Variants in SGPP2 observed in about 807,000 individuals in gnomAD.
SGPP2 encodes the protein sphingosine-1-phosphate phosphatase 2.
A neutral mutation model predicts 33.9 loss-of-function variants in SGPP2; 30 were observed. The ratio of observed to expected loss-of-function variants is 0.89; its 90% CI spans 0.66 to 1.20. SGPP2 has a LOEUF of 1.20. SGPP2 is among the 50% of genes most tolerant of loss of function. SGPP2 has a pLI of 0.00. For missense variants in SGPP2, 458 were observed against 532.1 expected (o/e 0.86, Z 1.37); for synonymous variants, 233 against 225.0 (o/e 1.04, Z -0.32).
At chr2:222,488,569 T>C (rs1698147343) in intron 2 of SGPP2, among the ~76,000 whole-genome samples, 1 of 152,198 alleles carries the variant, frequency 6.6e-6, no homozygotes, top group Admixed American at 6.5e-5. Context: ...GGCTGGGAAC[T>C]GCTGCTTGAG....
intron 1 of SGPP2, among the ~76,000 whole-genome samples, chr2:222,466,376 A>C (rs1697746145): frequency 6.7e-6 from 1 of 148,896 alleles, no homozygotes; most frequent in Admixed American, 6.8e-5. Flanking sequence ...CTCTTGCCTC[A>C]GCCTCCCAAG....
At position 222,561,226 on chromosome 2, in the gene SGPP2, T is replaced by C. The variant is rs567106299; in HGVS notation, c.*2328T>C. Among the ~76,000 whole-genome samples the C allele has an allele frequency of 6.6e-6, 1 of 152,288 alleles. No individual in the cohort carries two copies. Among genetic ancestry groups the C allele is most frequent in the African/African-American group, 2.4e-5 (1 of 41,566 alleles). The stretch of plus-strand genomic sequence containing the variant: ...CCGTTTGACTGCTTTTACATCAAAC[T>C]CTGCCCAGTATTTGCAGCACAACTC... On this transcript the variant is annotated 3_prime_UTR_variant, in exon 5 of 5. Coordinates refer to ENST00000321276, the MANE Select transcript of SGPP2 (RefSeq NM_152386.4).
intron 2 of SGPP2, among the ~76,000 whole-genome samples, chr2:222,480,429 A>G (rs1698012052): frequency 6.6e-6 from 1 of 152,242 alleles, no homozygotes; most frequent in Non-Finnish European, 1.5e-5. Context: ...AGATAAACAG[A>G]TACAAAGTGA....
At chr2:222,488,962 G>A (rs980752289) in intron 2 of SGPP2, among the ~76,000 whole-genome samples, 3 of 152,158 alleles carry the variant, frequency 2.0e-5, no homozygotes, top group Non-Finnish European at 4.4e-5. Context: ...GATTCTGGGG[G>A]TTGGGGAATG....
At chr2:222,427,315 C>T (rs1372159276) in intron 1 of SGPP2, among the ~76,000 whole-genome samples, 1 of 152,088 alleles carries the variant, frequency 6.6e-6, no homozygotes, top group African/African-American at 2.4e-5. Flanking sequence ...GGGTGGAGTG[C>T]AGTGGCACAA....
At chr2:222,469,610 T>C (rs145723450) in intron 1 of SGPP2, among the ~76,000 whole-genome samples, 389 of 152,306 alleles carry the variant, frequency 2.6e-3, no homozygotes, top group Non-Finnish European at 4.3e-3. Flanking sequence ...TGGCCTCAGC[T>C]TTTGCTCCTC....
At position 222,428,785 on chromosome 2, in the gene SGPP2, C is replaced by CTT. The variant is rs58239129; in HGVS notation, c.219+3987_219+3988dup. ...AGTGGGGGAAAAAAAACATGGTTTT[C>CTT]TTTTTTTTTTTTTTTTTTTTTTTTG... On this transcript the variant is annotated intron_variant, in intron 1 of 4. Coordinates refer to ENST00000321276, the MANE Select transcript of SGPP2 (RefSeq NM_152386.4). Among the ~76,000 whole-genome samples the CTT allele has an allele frequency of 3.7e-3, 278 of 75,328 alleles. 2 individuals carry two copies. Among genetic ancestry groups the CTT allele is most frequent in the Middle Eastern group, 0.029 (3 of 102 alleles). 49.4% of individuals were successfully genotyped at this position (75,328 alleles called of 152,430 possible).
chr2:222,484,044 GT>G (rs1487121521), intron 2 of SGPP2, among the ~76,000 whole-genome samples: 3 of 152,102 alleles, frequency 2.0e-5, no homozygotes, highest in African/African-American at 7.2e-5. Flanking sequence ...TCTCTAGGGG[GT>G]TTATTATAAA....
chr2:222,483,307 AT>A (rs202239975), intron 2 of SGPP2, among the ~76,000 whole-genome samples: 11,384 of 146,318 alleles, frequency 0.078, 504 homozygotes, highest in East Asian at 0.15. Context: ...TATAAATTTC[AT>A]TTTTTTTTTT....
At chr2:222,497,252 T>TC (rs1434068857) in intron 2 of SGPP2, among the ~76,000 whole-genome samples, 7 of 143,154 alleles carry the variant, frequency 4.9e-5, no homozygotes, top group South Asian at 4.5e-4. Flanking sequence ...TCTTTCTTCT[T>TC]TTTTTTTTTT....
chr2:222,492,712 A>G (rs1387013336), intron 2 of SGPP2, among the ~76,000 whole-genome samples: 2 of 152,200 alleles, frequency 1.3e-5, no homozygotes, highest in Non-Finnish European at 2.9e-5. Flanking sequence ...TCCCCAGAAA[A>G]TGGGTTTTCC....
intron 1 of SGPP2, among the ~76,000 whole-genome samples, chr2:222,433,127 A>G (rs1697183337): frequency 6.6e-6 from 1 of 152,118 alleles, no homozygotes; most frequent in Non-Finnish European, 1.5e-5. Context: ...AGGCAAAGCC[A>G]AACAAAGCAG....
chr2:222,453,916 TA>T (rs1697531864), intron 1 of SGPP2, among the ~76,000 whole-genome samples: 1 of 152,192 alleles, frequency 6.6e-6, no homozygotes, highest in Non-Finnish European at 1.5e-5. Context: ...ACAGTGAGAT[TA>T]ACTCACTTGT....
rs762362556 is a variant in SGPP2, at chr2:222,560,966, G to T, written c.*2068G>T. 6.6e-6 allele frequency: 1 copy of T among 152,138 alleles called. No individual in the cohort carries two copies. Among genetic ancestry groups the T allele is most frequent in the Admixed American group, 6.6e-5 (1 of 15,262 alleles). The allele number at this position is 152,138 out of a possible 1,614,324, so 9.4% of individuals were successfully genotyped here. ...GAAAATACAAAAAAATTAGCCGGACGTGGTGGAGGGCGCCTGTAGTCCCAG... is the reference window on the plus strand; with the variant it reads ...GAAAATACAAAAAAATTAGCCGGACTTGGTGGAGGGCGCCTGTAGTCCCAG... On this transcript the variant is annotated 3_prime_UTR_variant, in exon 5 of 5. Coordinates refer to ENST00000321276, the MANE Select transcript of SGPP2 (RefSeq NM_152386.4).
intron 1 of SGPP2, among the ~76,000 whole-genome samples, chr2:222,448,048 C>T (rs1293534018): frequency 6.6e-6 from 1 of 152,148 alleles, no homozygotes; most frequent in Admixed American, 6.5e-5. Context: ...TCCCAAGTGA[C>T]CAGGTAGTAT....
chr2:222,543,223 C>G (rs1036646120), intron 4 of SGPP2, among the ~76,000 whole-genome samples: 2 of 152,142 alleles, frequency 1.3e-5, no homozygotes, highest in Non-Finnish European at 2.9e-5. Context: ...GATCTATAAT[C>G]TACATTGAAT....
intron 1 of SGPP2, among the ~76,000 whole-genome samples, chr2:222,426,896 G>A (rs2106052297): frequency 6.6e-6 from 1 of 152,248 alleles, no homozygotes; most frequent in Non-Finnish European, 1.5e-5. Flanking sequence ...CTCTCTGCAG[G>A]CCTTTGTACA....
chr2:222,452,467 A>G (rs1697506334), intron 1 of SGPP2: 1 of 824,266 alleles, frequency 1.2e-6, no homozygotes, highest in Non-Finnish European at 2.1e-6. Flanking sequence ...TGGAGTACTA[A>G]AATACCTAGT....
chr2:222,483,464 C>A (rs1201083112), intron 2 of SGPP2, among the ~76,000 whole-genome samples: 1 of 152,122 alleles, frequency 6.6e-6, no homozygotes, highest in African/African-American at 2.4e-5. Context: ...CTTTCACATT[C>A]TGATTATCAG....
Sources: allele counts gnomAD v4.1 joint callset (sites outside exome capture counted in the v4.1 genomes callset), GRCh38; gene constraint gnomAD v4.1.1; transcripts MANE v1.5; gene names NCBI Gene and HGNC (gene_info 2026-07-23, HGNC 2026-07-21).